The following ZNF559 variants were observed in gnomAD, a reference collection of about 807,000 sequenced individuals.
The protein encoded by ZNF559 is putative protein product of Nbla00121.
A neutral mutation model predicts 14.2 loss-of-function variants in ZNF559; 17 were observed. The observed-to-expected ratio is 1.20, with a 90% CI of 0.82 to 1.80. The LOEUF (loss-of-function observed/expected upper bound fraction) is 1.80. Ranked by LOEUF, ZNF559 falls within the 40% of genes most tolerant of loss-of-function variation. The pLI is 0.00. For synonymous variants in ZNF559, 244 were observed against 212.4 expected, an observed-to-expected ratio of 1.15 and a Z score of -1.29; for missense variants, 740 against 629.7, an observed-to-expected ratio of 1.18 and a Z score of -1.88.
intron 2 of ZNF559, among the ~76,000 whole-genome samples, chr19:9,329,399 T>C (rs1319719487): frequency 6.6e-6 from 1 of 152,190 alleles, no homozygotes; most frequent in Non-Finnish European, 1.5e-5. Flanking sequence ...ATATTTGCTT[T>C]ATGTATGATG....
intron 5 of ZNF559, among the ~76,000 whole-genome samples, chr19:9,340,841 G>A (rs1378460665): frequency 1.3e-5 from 2 of 150,344 alleles, no homozygotes; most frequent in African/African-American, 4.9e-5. Flanking sequence ...AAAGTGCTGG[G>A]ATTACAGGTG....
At chr19:9,339,948 T>G (rs910452505) in intron 5 of ZNF559, among the ~76,000 whole-genome samples, 4 of 144,076 alleles carry the variant, frequency 2.8e-5, no homozygotes, top group African/African-American at 1.0e-4. Context: ...TTTTTTTTTT[T>G]TTTTTTTTTT....
intron 2 of ZNF559, among the ~76,000 whole-genome samples, chr19:9,334,123 A>G (rs926664997): frequency 2.0e-5 from 3 of 152,240 alleles, no homozygotes; most frequent in African/African-American, 7.2e-5. Context: ...ATGCGACCAT[A>G]TAACATCATT....
At chr19:9,331,775 A>C (rs980062701) in intron 2 of ZNF559, among the ~76,000 whole-genome samples, 3 of 152,158 alleles carry the variant, frequency 2.0e-5, no homozygotes. Context: ...TATTGTTACT[A>C]TGTGTTTCCA....
chr19:9,341,230 G>C (rs372110083), intron 6 of ZNF559, 46 bp downstream of exon 6: 1 of 1,559,616 alleles, frequency 6.4e-7, no homozygotes, highest in Non-Finnish European at 8.8e-7. Context: ...GTTAGAGGAA[G>C]ATTGGAAATT....
upstream of ZNF559, chr19:9,323,921 T>C (rs988267851): frequency 5.3e-6 from 3 of 562,330 alleles, no homozygotes; most frequent in Admixed American, 6.2e-5. Context: ...ATCCCAGCTC[T>C]TGTTCTTTTG....
Position 9,343,398 on chromosome 19 carries a change from G to A in ZNF559, c.*330G>A, listed in dbSNP as rs1599361287. On this transcript the variant is annotated 3_prime_UTR_variant, in exon 7 of 7. Coordinates refer to ENST00000603380, the MANE Select transcript of ZNF559 (RefSeq NM_032497.3). ...AAATGCTATGAATGTGAGGAAGGTG[G>A]AAAAGCTTTCATTATTTTCCTCGGG... 2 of 1,100,316 alleles carry A rather than the reference G, an allele frequency of 1.8e-6. No individual in the cohort carries two copies. The highest frequency in any genetic ancestry group is 3.2e-5 in the African/African-American group (2 of 61,672). The allele number at this position is 1,100,316 out of a possible 1,614,324, so 68.2% of individuals were successfully genotyped here. A position where few individuals can be genotyped will look rare whatever the true frequency, so the allele number is the denominator to read the frequency against.
At chr19:9,324,832 A>G in intron 2 of ZNF559, 52 bp downstream of exon 2, 2 of 1,472,494 alleles carry the variant, frequency 1.4e-6, no homozygotes, top group Non-Finnish European at 1.8e-6. Context: ...CTTGAAGTTT[A>G]AGTTGTGTCG....
intron 2 of ZNF559, among the ~76,000 whole-genome samples, chr19:9,334,536 C>G (rs1041414451): frequency 2.1e-4 from 32 of 152,174 alleles, no homozygotes; most frequent in African/African-American, 6.3e-4. Flanking sequence ...TAAAAACAGA[C>G]AAAATTAACC....
intron 2 of ZNF559, among the ~76,000 whole-genome samples, chr19:9,325,093 A>G (rs116525084): frequency 2.0e-5 from 3 of 152,166 alleles, no homozygotes; most frequent in African/African-American, 7.2e-5. Context: ...GATTGAATTG[A>G]TAATGAATGC....
chr19:9,324,053 T>G, upstream of ZNF559: 1 of 1,147,542 alleles, frequency 8.7e-7, no homozygotes. Flanking sequence ...TTCGGGGAGG[T>G]AAACAGCATT....
intron 2 of ZNF559, among the ~76,000 whole-genome samples, chr19:9,334,651 TG>T (rs1342007628): frequency 1.3e-5 from 2 of 152,206 alleles, no homozygotes; most frequent in Non-Finnish European, 2.9e-5. Flanking sequence ...ATTATACCTT[TG>T]TAATTCTACT....
intron 2 of ZNF559, among the ~76,000 whole-genome samples, chr19:9,334,388 GAT>G (rs1226413254): frequency 6.6e-6 from 1 of 152,130 alleles, no homozygotes; most frequent in Non-Finnish European, 1.5e-5. Context: ...TCAGATTAGA[GAT>G]ATTCAACCTG....
chr19:9,327,149 T>C (rs531440368), intron 2 of ZNF559, among the ~76,000 whole-genome samples: 5 of 152,360 alleles, frequency 3.3e-5, no homozygotes, highest in South Asian at 4.1e-4. Flanking sequence ...GTTTTTCTTA[T>C]AGTAATCTAT....
In ZNF559 at chr19:9,342,744, C is replaced by T. The variant is rs776197599; in HGVS notation, c.1293C>T (p.His431=). Residue 431 remains histidine (H), a synonymous_variant, in exon 7 of 7, where the codon CAC becomes CAT. Transcript: ENST00000603380. The stretch of plus-strand genomic sequence containing the variant: ...TTCTTATTCGACATTTGAGAAGTCA[C>T]AGTGCAGAAAGGCCTTTTGAATGTG... The part of the protein sequence containing the change: ...SSFLIRHLRS[H]SAERPFECEE... 2.5e-6 allele frequency: 4 copies of T among 1,614,132 alleles called. No homozygotes were observed. In the South Asian group the frequency reaches 4.4e-5, roughly 18 times the overall value.
At chr19:9,337,929 G>A (rs938662473) in intron 3 of ZNF559, 71 bp downstream of exon 3, 1 of 1,535,668 alleles carries the variant, frequency 6.5e-7, no homozygotes, top group African/African-American at 1.4e-5. Flanking sequence ...AGTTCAGACA[G>A]TGTCTCGAAG....
chr19:9,331,560 A>G lies in ZNF559; in HGVS notation c.-119-6236A>G, dbSNP rs890960763. The stretch of plus-strand genomic sequence containing the variant: ...ATTGTGACAAGAGACAAAGGGCATT[A>G]TATAATAATAAAGAGACCAATTTAT... On this transcript the variant is annotated intron_variant, in intron 2 of 6. Coordinates refer to ENST00000603380, the MANE Select transcript of ZNF559 (RefSeq NM_032497.3). Among the ~76,000 whole-genome samples the G allele has an allele frequency of 4.6e-5, 7 of 152,360 alleles. No homozygotes were observed. The East Asian group carries it at 1.3e-3, about 29-fold the overall frequency.
In ZNF559 at chr19:9,342,955, T is replaced by A. The variant is rs1360642492; in HGVS notation, c.1504T>A (p.Phe502Ile). ...PFECQECGKA[F>I]TRSTYLIRHL... is the part of the protein sequence containing the mutation. ...TGAATGTCAGGAATGTGGGAAAGCCTTTACTCGGTCCACATATCTTATTCG... is the reference window on the plus strand; with the variant it reads ...TGAATGTCAGGAATGTGGGAAAGCCATTACTCGGTCCACATATCTTATTCG... Residue 502 changes from phenylalanine (F) to isoleucine (I), a missense_variant, in exon 7 of 7, where the codon TTT becomes ATT. Physicochemically the swap from Phe to Ile is conservative, Grantham distance 21. Transcript: ENST00000603380. 3 of 1,614,234 alleles carry A rather than the reference T, an allele frequency of 1.9e-6. No homozygotes were observed. Among genetic ancestry groups the A allele is most frequent in the Non-Finnish European group, 1.7e-6 (2 of 1,180,044 alleles).
intron 3 of ZNF559, 81 bp from the exon 4 acceptor site, chr19:9,338,413 T>C: frequency 1.0e-6 from 1 of 982,452 alleles, no homozygotes; most frequent in Non-Finnish European, 1.6e-6. Flanking sequence ...CACTTAGCAT[T>C]AGTATGAGGT....
Sources: allele counts gnomAD v4.1 joint callset (sites outside exome capture counted in the v4.1 genomes callset), GRCh38; gene constraint gnomAD v4.1.1; transcripts MANE v1.5; gene names NCBI Gene and HGNC (gene_info 2026-07-23, HGNC 2026-07-21).